The following SLCO5A1 variants were observed in gnomAD, a reference collection of about 807,000 sequenced individuals.
The protein encoded by SLCO5A1 is solute carrier organic anion transporter family member 5A1.
A neutral mutation model predicts 65.1 loss-of-function variants in SLCO5A1; 39 were observed. That is an observed-to-expected ratio of 0.60 (90% confidence interval 0.46 to 0.78). The LOEUF (loss-of-function observed/expected upper bound fraction) is 0.78. Among genes scored for constraint, SLCO5A1 ranks in the 30% least tolerant of loss-of-function variants. SLCO5A1 has a pLI of 0.00. For missense variants in SLCO5A1, 1,029 were observed against 1,069.4 expected (o/e 0.96, Z 0.53); for synonymous variants, 438 against 415.7 (o/e 1.05, Z -0.65).
chr8:69,710,506 G>A (rs1045575100), intron 5 of SLCO5A1, among the ~76,000 whole-genome samples: 27 of 152,048 alleles, frequency 1.8e-4, no homozygotes, highest in African/African-American at 5.3e-4. Context: ...CAGAGCTCTA[G>A]GGTGAGATGA....
intron 2 of SLCO5A1, among the ~76,000 whole-genome samples, chr8:69,801,558 C>CT (rs372059016): frequency 6.6e-5 from 10 of 151,028 alleles, no homozygotes; most frequent in South Asian, 4.2e-4. Flanking sequence ...TCCATTGCTT[C>CT]TTTTTTTTTA....
chr8:69,696,764 T>A (rs527373672), intron 6 of SLCO5A1, among the ~76,000 whole-genome samples: 1 of 152,118 alleles, frequency 6.6e-6, no homozygotes, highest in South Asian at 2.1e-4. Flanking sequence ...AATGATAAAA[T>A]GCAAGGCATA....
chr8:69,819,321 C>T (rs1394466874), intron 2 of SLCO5A1, among the ~76,000 whole-genome samples: 6 of 151,898 alleles, frequency 4.0e-5, no homozygotes, highest in Non-Finnish European at 5.9e-5. Flanking sequence ...TAAGTACCAC[C>T]GAGACACCAC....
chr8:69,781,152 C>A lies in SLCO5A1; in HGVS notation c.908-19277G>T, dbSNP rs1270043765. ...GGAAGGCTGAGTCACTGCCAGGAAGCACCTTCCAGGTCAACAGGCATCTGT... is the reference window on the plus strand; with the variant it reads ...GGAAGGCTGAGTCACTGCCAGGAAGAACCTTCCAGGTCAACAGGCATCTGT... On this transcript the variant is annotated intron_variant, in intron 2 of 9. Transcript: ENST00000260126. Among the ~76,000 whole-genome samples the A allele has an allele frequency of 2.0e-5, 3 of 152,376 alleles. No individual in the cohort carries two copies. In the East Asian group the frequency reaches 5.8e-4, roughly 29 times the overall value.
intron 5 of SLCO5A1, among the ~76,000 whole-genome samples, chr8:69,705,539 G>A (rs1280394812): frequency 6.6e-6 from 1 of 152,006 alleles, no homozygotes; most frequent in African/African-American, 2.4e-5. Flanking sequence ...CAATAAACAC[G>A]TGAAAGGGGG....
At chr8:69,778,424 A>T (rs921658551) in intron 2 of SLCO5A1, among the ~76,000 whole-genome samples, 8 of 152,140 alleles carry the variant, frequency 5.3e-5, no homozygotes, top group African/African-American at 1.9e-4. Context: ...GTATACTTAG[A>T]GTAGGTAAAC....
chr8:69,764,635 T>C (rs1432239952), intron 2 of SLCO5A1, among the ~76,000 whole-genome samples: 1 of 152,232 alleles, frequency 6.6e-6, no homozygotes, highest in Non-Finnish European at 1.5e-5. Flanking sequence ...ATCTTGTTAA[T>C]CTCTTTGTTT....
intron 2 of SLCO5A1, among the ~76,000 whole-genome samples, chr8:69,765,247 C>T (rs550453772): frequency 6.6e-6 from 1 of 151,840 alleles, no homozygotes; most frequent in South Asian, 2.1e-4. Context: ...CACATATACA[C>T]ACATATACAA....
In SLCO5A1 at chr8:69,832,300, G is replaced by A. The variant is rs1386415293; in HGVS notation, c.374C>T (p.Thr125Met). The change falls in exon 2 of 10, where the codon ACG (threonine) becomes ATG (methionine). Residue 125 changes from threonine (T) to methionine (M), a missense_variant. This residue lies in a region of SLCO5A1 where 647 missense variants were observed against 647.5 expected (regional missense o/e 1.00). Coordinates refer to ENST00000260126, the MANE Select transcript of SLCO5A1 (RefSeq NM_030958.3). The surrounding 1 kb of genome is among the most constrained non-coding windows in gnomAD (Gnocchi z 4.5). ...GCACACCAGGAAGCAACGGGAATCC[G>A]TGAGGACCACGTAGAGGCACCTTCT... ...QERRCLYVVL[T>M]DSRCFLVCMC... The A allele has an allele frequency of 4.3e-6, 7 of 1,614,208 alleles. No individual in the cohort carries two copies. In the South Asian group the frequency reaches 6.6e-5, roughly 15 times the overall value.
At chr8:69,733,888 CA>C (rs1816441234) in intron 5 of SLCO5A1, among the ~76,000 whole-genome samples, 1 of 152,176 alleles carries the variant, frequency 6.6e-6, no homozygotes, top group African/African-American at 2.4e-5. Context: ...CAGACTAATA[CA>C]AGGGGTCGTC....
intron 5 of SLCO5A1, among the ~76,000 whole-genome samples, chr8:69,711,189 G>A (rs1815233142): frequency 6.6e-6 from 1 of 151,904 alleles, no homozygotes; most frequent in East Asian, 1.9e-4. Flanking sequence ...GGTTCTCCCG[G>A]CAGAAGTTAC....
chr8:69,801,933 TCCA>T (rs1819757757), intron 2 of SLCO5A1, among the ~76,000 whole-genome samples: 1 of 152,202 alleles, frequency 6.6e-6, no homozygotes, highest in Admixed American at 6.5e-5. Context: ...CTGTGTTCCT[TCCA>T]CCACCTCATG....
chr8:69,811,603 C>T (rs902426132), intron 2 of SLCO5A1, among the ~76,000 whole-genome samples: 2 of 152,138 alleles, frequency 1.3e-5, no homozygotes, highest in East Asian at 1.9e-4. Flanking sequence ...TCAACATGGA[C>T]GGGCTGAGCA....
intron 3 of SLCO5A1, among the ~76,000 whole-genome samples, chr8:69,756,330 G>C (rs887867968): frequency 6.6e-6 from 1 of 151,996 alleles, no homozygotes; most frequent in Non-Finnish European, 1.5e-5. Context: ...ACTTGAACTT[G>C]GGAGGCGGAT....
intron 2 of SLCO5A1, among the ~76,000 whole-genome samples, chr8:69,781,924 T>C (rs1357613161): frequency 2.6e-5 from 4 of 152,204 alleles, no homozygotes; most frequent in African/African-American, 9.6e-5. Flanking sequence ...TGCATAGTGC[T>C]GGGATTACAG....
intron 5 of SLCO5A1, among the ~76,000 whole-genome samples, chr8:69,737,688 A>AT (rs1046419910): frequency 6.6e-6 from 1 of 152,036 alleles, no homozygotes; most frequent in Admixed American, 6.6e-5. Context: ...CAGGTTATCA[A>AT]TTTTTTTTAA....
intron 2 of SLCO5A1, among the ~76,000 whole-genome samples, chr8:69,802,294 G>A (rs1183744183): frequency 6.6e-6 from 1 of 151,900 alleles, no homozygotes; most frequent in African/African-American, 2.4e-5. Flanking sequence ...CTTGAGTCCA[G>A]GAGTTCAAGA....
At chr8:69,792,902 A>AAT (rs1819331128) in intron 2 of SLCO5A1, among the ~76,000 whole-genome samples, 1 of 152,014 alleles carries the variant, frequency 6.6e-6, no homozygotes, top group South Asian at 2.1e-4. Context: ...AATCATAGTA[A>AAT]ATATACTGTT....
rs1448535727 is a variant in SLCO5A1 at position 69,667,470 on chromosome 8, A to G, written c.*5399T>C. 6.6e-6 allele frequency: 1 copy of G among 152,232 alleles called. No homozygotes were observed. Among genetic ancestry groups the G allele is most frequent in the Admixed American group, 6.5e-5 (1 of 15,284 alleles). The allele number at this position is 152,232 out of a possible 1,614,324, so 9.4% of individuals were successfully genotyped here. A position where few individuals can be genotyped will look rare whatever the true frequency, so the allele number is the denominator to read the frequency against. On this transcript the variant is annotated 3_prime_UTR_variant, in exon 10 of 10. Coordinates refer to ENST00000260126, the MANE Select transcript of SLCO5A1 (RefSeq NM_030958.3). ...TTAAGAAAAATGCCCATTATTTGGT[A>G]CTACTCTTACCAATTATCAATTACC... is the stretch of plus-strand genomic sequence containing the variant.
Sources: allele counts gnomAD v4.1 joint callset (sites outside exome capture counted in the v4.1 genomes callset), GRCh38; gene constraint gnomAD v4.1.1; regional missense constraint gnomAD v4.1.1; non-coding constraint Gnocchi (gnomAD v3.1); transcripts MANE v1.5; gene names NCBI Gene and HGNC (gene_info 2026-07-23, HGNC 2026-07-21).